The following PPP2R2C variants were observed in gnomAD, a reference collection of about 807,000 sequenced individuals.
The protein encoded by PPP2R2C is protein phosphatase 2 regulatory subunit Bgamma, also known as protein phosphatase 2, regulatory subunit B, gamma.
Under a neutral mutation model 45.3 loss-of-function variants are expected in PPP2R2C, and 10 were observed. The ratio of observed to expected loss-of-function variants is 0.22; its 90% CI spans 0.14 to 0.37. The LOEUF is 0.37. Among genes scored for constraint, PPP2R2C ranks in the 10% least tolerant of loss-of-function variants. The pLI, the probability that PPP2R2C is intolerant of heterozygous loss-of-function variation, is 1.00. For missense variants in PPP2R2C, 308 were observed against 619.7 expected (o/e 0.50, Z 5.34); for synonymous variants, 257 against 245.4 (o/e 1.05, Z -0.44).
intron 1 of PPP2R2C, among the ~76,000 whole-genome samples, chr4:6,456,672 G>A (rs1273887673): frequency 6.6e-6 from 1 of 152,198 alleles, no homozygotes; most frequent in African/African-American, 2.4e-5. Flanking sequence ...GCAGTGGAGG[G>A]GGAGCTCTGG....
Position 6,381,865 on chromosome 4 carries a change from G to A in PPP2R2C, c.71-771C>T, listed in dbSNP as rs770135728. 1.9e-6 allele frequency: 3 copies of A among 1,612,218 alleles called. No homozygotes were observed. The South Asian group carries it at 3.3e-5, about 18-fold the overall frequency. ...GCCCCATCTCCAGGCCCCACTTTTT[G>A]CATGTGGGAACTAGGGGAACACCCC... On this transcript the variant is annotated intron_variant, in intron 1 of 8. Transcript: ENST00000382599.
chr4:6,447,516 T>TCCCCCCCCCCCCCCCCCCCCC (rs1577189877), intron 1 of PPP2R2C, among the ~76,000 whole-genome samples: 1 of 144,426 alleles, frequency 6.9e-6, no homozygotes, highest in African/African-American at 2.5e-5. Flanking sequence ...GTCTCCTAGC[T>TCCCCCCCCCCCCCCCCCCCCC]CCCCACCCCC....
At chr4:6,403,700 T>C (rs1211510874) in intron 1 of PPP2R2C, among the ~76,000 whole-genome samples, 2 of 151,986 alleles carry the variant, frequency 1.3e-5, no homozygotes, top group Non-Finnish European at 2.9e-5. Context: ...CCGCCTCTAC[T>C]AAAAATACAA....
At chr4:6,457,614 T>C (rs998210072) in intron 1 of PPP2R2C, among the ~76,000 whole-genome samples, 1 of 152,068 alleles carries the variant, frequency 6.6e-6, no homozygotes, top group Non-Finnish European at 1.5e-5. Flanking sequence ...GCTCAAGCGA[T>C]CCTCCCACCT....
At chr4:6,500,716 A>T (rs1190066195) in intron 2 of PPP2R2C, among the ~76,000 whole-genome samples, 1 of 152,226 alleles carries the variant, frequency 6.6e-6, no homozygotes, top group Non-Finnish European at 1.5e-5. Context: ...CTGGACCCCA[A>T]ATGACAAATA....
chr4:6,348,482 T>C (rs1238646954), intron 5 of PPP2R2C, among the ~76,000 whole-genome samples: 1 of 152,126 alleles, frequency 6.6e-6, no homozygotes, highest in Non-Finnish European at 1.5e-5. Context: ...GTGTCTGGAA[T>C]TGAGTGTGTG....
chr4:6,519,020 C>A (rs1374164483), intron 2 of PPP2R2C, among the ~76,000 whole-genome samples: 1 of 150,564 alleles, frequency 6.6e-6, no homozygotes, highest in East Asian at 1.9e-4. Context: ...ACAGAAAGTA[C>A]CAGGCCCAGA....
chr4:6,323,430 C>T lies in PPP2R2C; in HGVS notation c.1216G>A (p.Val406Met). ...GGKRRRDDIS[V>M]DSLDFTKKIL... ...TTCTTGGTGAAGTCCAAGCTGTCCA[C>T]ACTGATGTCATCACGCCGGCGCTTG... Residue 406 changes from valine to methionine, a missense_variant, in exon 9 of 9, where the codon GTG (valine) becomes ATG (methionine). Val to Met is a conservative substitution (Grantham distance 21). Transcript: ENST00000382599. The T allele has an allele frequency of 6.2e-7, 1 of 1,613,738 alleles. No homozygotes were observed. Among genetic ancestry groups the T allele is most frequent in the Non-Finnish European group, 8.5e-7 (1 of 1,179,762 alleles).
chr4:6,361,958 G>A lies in PPP2R2C; in HGVS notation c.625+10565C>T, dbSNP rs73798204. ...TGAGATGGTGCAGAGTCAGGGAAGG[G>A]CCCTCCGAAGCCCATGGTGAGTAGG... On this transcript the variant is annotated intron_variant, in intron 5 of 8. Transcript: ENST00000382599. Among the ~76,000 whole-genome samples the A allele has an allele frequency of 3.5e-3, 534 of 152,306 alleles. 2 individuals are homozygous for A. The highest frequency in any genetic ancestry group is 0.012 in the African/African-American group (510 of 41,572).
intron 2 of PPP2R2C, among the ~76,000 whole-genome samples, chr4:6,492,421 T>C (rs1722725217): frequency 6.6e-6 from 1 of 152,166 alleles, no homozygotes; most frequent in Non-Finnish European, 1.5e-5. Context: ...GGGGATGCTA[T>C]AAGAGCCTCC....
At chr4:6,447,347 C>T (rs186571707) in intron 1 of PPP2R2C, among the ~76,000 whole-genome samples, 1 of 152,314 alleles carries the variant, frequency 6.6e-6, no homozygotes, top group East Asian at 1.9e-4. Context: ...ACCTCCCACC[C>T]TCCCGTTTCC....
At chr4:6,348,935 T>C in intron 5 of PPP2R2C, 8 of 897,596 alleles carry the variant, frequency 8.9e-6, no homozygotes, top group Non-Finnish European at 1.1e-5. Flanking sequence ...ACTGTTACAC[T>C]AGAGCACAGA....
At chr4:6,381,378 C>T in intron 1 of PPP2R2C, 2 of 1,480,808 alleles carry the variant, frequency 1.4e-6, no homozygotes, top group Non-Finnish European at 1.8e-6. Context: ...AGTAACTGGA[C>T]ACTCTATGGG....
intron 2 of PPP2R2C, among the ~76,000 whole-genome samples, chr4:6,515,667 T>A (rs995228159): frequency 2.0e-5 from 3 of 152,248 alleles, no homozygotes; most frequent in Non-Finnish European, 2.9e-5. Context: ...TTGCCTGGTA[T>A]GTAGTAAGCA....
At position 6,563,378 on chromosome 4, in the gene PPP2R2C, C is replaced by T. The variant is rs1560624948; in HGVS notation, c.-59+182G>A. On this transcript the variant is annotated intron_variant, in intron 1 of 9. Transcript: ENST00000506140. The surrounding 1 kb of genome is among the most constrained non-coding windows in gnomAD (Gnocchi z 5.8). ...CCAGGACCGCCCCGGGGTCGGTGCC[C>T]GGGCTCTCTGAGTCTCGCTTCTGGC... is the stretch of plus-strand genomic sequence containing the variant. 6.6e-6 allele frequency among the ~76,000 whole-genome samples: 1 copy of T among 152,282 alleles called. No homozygotes were observed. The highest frequency in any genetic ancestry group is 1.9e-4 in the East Asian group (1 of 5,170).
intron 2 of PPP2R2C, among the ~76,000 whole-genome samples, chr4:6,522,123 C>T (rs1490932471): frequency 6.6e-6 from 1 of 152,172 alleles, no homozygotes; most frequent in Non-Finnish European, 1.5e-5. Context: ...CCACTCACAG[C>T]TCCCTCCCAC....
chr4:6,352,812 CTG>C (rs148381320), intron 5 of PPP2R2C, among the ~76,000 whole-genome samples: 2,506 of 152,256 alleles, frequency 0.016, 70 homozygotes, highest in African/African-American at 0.057. Flanking sequence ...TCCCCAGAGA[CTG>C]TGGAGTGTGA....
rs143324260 is a variant in PPP2R2C, at chr4:6,540,910, A to C, written c.-58-5533T>G. ...TTATAAAATAAAGCCAGAGGCCAGC[A>C]ATCCAGCACTGGAGCAGAACTCTGT... On this transcript the variant is annotated intron_variant, in intron 1 of 9. Coordinates refer to the PPP2R2C transcript ENST00000506140. Among the ~76,000 whole-genome samples, 4 of 152,372 alleles carry C rather than the reference A, an allele frequency of 2.6e-5. No homozygotes were observed. The East Asian group carries it at 7.7e-4, about 29-fold the overall frequency.
chr4:6,355,881 C>A lies in PPP2R2C; in HGVS notation c.626-7871G>T, dbSNP rs188196623. On this transcript the variant is annotated intron_variant, in intron 5 of 8. Transcript: ENST00000382599. The stretch of plus-strand genomic sequence containing the variant: ...TGGTAGTGGGCACCTGTAATCCCAG[C>A]TACTCAGGAGGCTGAGGCAGGAGAA... 7.0e-3 allele frequency among the ~76,000 whole-genome samples: 1,051 copies of A among 151,030 alleles called. 9 individuals carry two copies. The highest frequency in any genetic ancestry group is 0.024 in the African/African-American group (984 of 41,270).
Sources: gnomAD v4.1 joint callset for allele counts (sites outside exome capture counted in the v4.1 genomes callset) on GRCh38, gnomAD v4.1.1 for gene constraint, Gnocchi (gnomAD v3.1) non-coding constraint, MANE v1.5 for transcripts, NCBI Gene and HGNC (gene_info 2026-07-23, HGNC 2026-07-21) for gene names.